The following PLA2R1 variants were observed in gnomAD, a reference collection of about 807,000 sequenced individuals.
The protein encoded by PLA2R1 is secretory phospholipase A2 receptor.
Under a neutral mutation model 195.9 loss-of-function variants are expected in PLA2R1, and 158 were observed. That is an observed-to-expected ratio of 0.81 (90% confidence interval 0.71 to 0.92). The LOEUF (loss-of-function observed/expected upper bound fraction) is 0.92, where lower values mean the gene tolerates loss of function less well. Among genes scored for constraint, PLA2R1 ranks in the 40% least tolerant of loss-of-function variants. The pLI is 0.00. For missense variants in PLA2R1, 1,626 were observed against 1,764.6 expected (o/e 0.92, Z 1.41); for synonymous variants, 586 against 598.2 (o/e 0.98, Z 0.30).
At chr2:160,026,470 C>CGAT (rs1195015076) in intron 6 of PLA2R1, among the ~76,000 whole-genome samples, 2 of 152,094 alleles carry the variant, frequency 1.3e-5, no homozygotes, top group Non-Finnish European at 1.5e-5. Context: ...TGAGTGTCCA[C>CGAT]GATGTTGCTC....
chr2:160,052,260 G>A (rs553636478), intron 1 of PLA2R1, among the ~76,000 whole-genome samples: 1 of 152,294 alleles, frequency 6.6e-6, no homozygotes, highest in South Asian at 2.1e-4. Context: ...AGTTCTGTGA[G>A]GCTTCAAATT....
chr2:160,030,261 A>G (rs908876566), intron 4 of PLA2R1, among the ~76,000 whole-genome samples: 1 of 152,246 alleles, frequency 6.6e-6, no homozygotes, highest in African/African-American at 2.4e-5. Flanking sequence ...AATAAACAGA[A>G]ACAGCATACT....
At chr2:160,006,538 C>T (rs1189007009) in intron 10 of PLA2R1, among the ~76,000 whole-genome samples, 17 of 152,158 alleles carry the variant, frequency 1.1e-4, no homozygotes, top group Admixed American at 1.1e-3. Flanking sequence ...AGTATGAATG[C>T]ATCAAAAGCA....
chr2:160,001,057 T>C (rs1567537), intron 11 of PLA2R1, among the ~76,000 whole-genome samples: 130,920 of 151,962 alleles, frequency 0.86, 56,614 homozygotes, highest in African/African-American at 0.92. Context: ...GAAAAGGATA[T>C]GAAACTGAAG....
At chr2:159,999,513 C>T (rs969495968) in intron 11 of PLA2R1, among the ~76,000 whole-genome samples, 894 of 30,076 alleles carry the variant, frequency 0.03, 399 homozygotes, top group Non-Finnish European at 0.042. Flanking sequence ...TACAGGCGCC[C>T]GCCACTACGC....
intron 1 of PLA2R1, among the ~76,000 whole-genome samples, chr2:160,061,731 C>T (rs1695966871): frequency 6.6e-6 from 1 of 152,182 alleles, no homozygotes; most frequent in African/African-American, 2.4e-5. Context: ...GCCGAGATCC[C>T]GCCATTACAC....
At chr2:160,000,336 C>G (rs1379393404) in intron 11 of PLA2R1, among the ~76,000 whole-genome samples, 1 of 152,112 alleles carries the variant, frequency 6.6e-6, no homozygotes, top group East Asian at 1.9e-4. Flanking sequence ...ATAACCACAA[C>G]CCAAACTTCA....
chr2:160,040,309 T>C (rs1280503235), intron 3 of PLA2R1, among the ~76,000 whole-genome samples: 3 of 146,858 alleles, frequency 2.0e-5, no homozygotes, highest in Non-Finnish European at 4.4e-5. Flanking sequence ...CACCCCCACA[T>C]TGTAGCAGCT....
intron 17 of PLA2R1, 76 bp downstream of exon 17, chr2:159,975,992 C>T: frequency 2.1e-6 from 2 of 970,436 alleles, no homozygotes; most frequent in Admixed American, 4.3e-5. Context: ...ATCGAAAAAA[C>T]TATCCCTCCC....
At position 160,045,244 on chromosome 2, in the gene PLA2R1, G is replaced by A. The variant is rs1359726323; in HGVS notation, c.110-87C>T. 20 of 1,022,302 alleles carry A rather than the reference G, an allele frequency of 2.0e-5. No individual in the cohort carries two copies. In the East Asian group the frequency reaches 2.7e-4, roughly 14 times the overall value. The allele number at this position is 1,022,302 out of a possible 1,614,324, so 63.3% of individuals were successfully genotyped here. On this transcript the variant is annotated intron_variant, in intron 1 of 29. Coordinates refer to ENST00000283243, the MANE Select transcript of PLA2R1 (RefSeq NM_007366.5). ...GATCTCAGTGTGCATATCTAAGTGCGATATGCGACAGTTGCCAGCCATTTC... is the reference window on the plus strand; with the variant it reads ...GATCTCAGTGTGCATATCTAAGTGCAATATGCGACAGTTGCCAGCCATTTC...
chr2:159,958,959 C>T (rs1402066303), intron 20 of PLA2R1, among the ~76,000 whole-genome samples: 1 of 152,194 alleles, frequency 6.6e-6, no homozygotes, highest in Non-Finnish European at 1.5e-5. Context: ...GAATTTTCCA[C>T]TACTCTTAGG....
intron 17 of PLA2R1, among the ~76,000 whole-genome samples, chr2:159,972,028 C>G (rs1445208560): frequency 6.6e-6 from 1 of 152,094 alleles, no homozygotes; most frequent in Non-Finnish European, 1.5e-5. Context: ...GGGGGAACCA[C>G]AACAATTTCA....
chr2:159,969,669 A>G (rs985796152), intron 18 of PLA2R1, among the ~76,000 whole-genome samples: 1 of 151,970 alleles, frequency 6.6e-6, no homozygotes, highest in Non-Finnish European at 1.5e-5. Flanking sequence ...AGCCCCCCCA[A>G]GTAGCTGGGT....
intron 11 of PLA2R1, among the ~76,000 whole-genome samples, chr2:159,997,056 A>G (rs910958238): frequency 5.9e-5 from 9 of 152,236 alleles, no homozygotes; most frequent in South Asian, 4.1e-4. Context: ...TGTCTCTTCA[A>G]ACTGTGTTTC....
Position 160,013,372 on chromosome 2 carries a change from A to G in PLA2R1, c.1555T>C (p.Trp519Arg). The part of the protein sequence containing the change: ...SDAESGCQEG[W>R]ERHGGFCYKI... Reference sequence around the variant, plus strand: ...TAACAGAATCCACCATGTCTCTCCCATCCCTTAAAAAGAATAAAAGGGAAA... The same window carrying G: ...TAACAGAATCCACCATGTCTCTCCCGTCCCTTAAAAAGAATAAAAGGGAAA... The change falls in exon 10 of 30, where the codon TGG becomes CGG. Residue 519 changes from tryptophan to arginine, a missense_variant. Trp to Arg is a moderately radical substitution (Grantham distance 101). Transcript: ENST00000283243. 1 of 1,576,006 alleles carries G rather than the reference A, an allele frequency of 6.3e-7. No homozygotes were observed. Among genetic ancestry groups the G allele is most frequent in the Non-Finnish European group, 8.7e-7 (1 of 1,146,986 alleles).
chr2:160,004,758 CT>C (rs3838587), intron 11 of PLA2R1, among the ~76,000 whole-genome samples: 5,685 of 152,238 alleles, frequency 0.037, 451 homozygotes, highest in East Asian at 0.31. Context: ...GGGCCTGAAG[CT>C]TGTTCCACAG....
At chr2:160,041,966 A>C in intron 3 of PLA2R1, 59 bp downstream of exon 3, 1 of 1,344,202 alleles carries the variant, frequency 7.4e-7, no homozygotes, top group South Asian at 1.3e-5. Flanking sequence ...GATACAGATA[A>C]CTTTCTAATC....
chr2:159,926,873 G>A, the PLA2R1 span, among the ~76,000 whole-genome samples: 1 of 152,196 alleles, frequency 6.6e-6, no homozygotes, highest in African/African-American at 2.4e-5. Flanking sequence ...AAGCTATGGA[G>A]AGGAGCAGGT....
At chr2:159,965,187 G>T (rs1182644672) in intron 20 of PLA2R1, among the ~76,000 whole-genome samples, 3 of 152,106 alleles carry the variant, frequency 2.0e-5, no homozygotes, top group African/African-American at 4.8e-5. Flanking sequence ...TTACATTAGG[G>T]TTCACTCTTT....
Sources: gnomAD v4.1 joint callset for allele counts (sites outside exome capture counted in the v4.1 genomes callset) on GRCh38, gnomAD v4.1.1 for gene constraint, MANE v1.5 for transcripts, NCBI Gene and HGNC (gene_info 2026-07-23, HGNC 2026-07-21) for gene names.